MTF1: variants seen among roughly 807,000 people sequenced by gnomAD.
MTF1 encodes metal regulatory transcription factor 1, also known as MRE-binding transcription factor.
In MTF1, 22 loss-of-function variants were observed where a neutral mutation model predicts 70.4. That is an observed-to-expected ratio of 0.31 (90% CI 0.22 to 0.45). The LOEUF is 0.45. MTF1 is among the 20% of genes least tolerant of loss of function. The pLI, the probability that MTF1 is intolerant of heterozygous loss-of-function variation, is 1.00. For synonymous variants in MTF1, 333 were observed against 352.8 expected, an observed-to-expected ratio of 0.94 and a Z score of 0.63; for missense variants, 649 against 922.0, an observed-to-expected ratio of 0.70 and a Z score of 3.83.
At chr1:37,859,223 G>A (rs1458085366) in intron 1 of MTF1, among the ~76,000 whole-genome samples, 2 of 152,220 alleles carry the variant, frequency 1.3e-5, no homozygotes, top group South Asian at 2.1e-4. Flanking sequence ...CGAGGAGTGC[G>A]AACAGAGCCC....
intron 3 of MTF1, 85 bp downstream of exon 3, chr1:37,839,835 A>T (rs1161120593): frequency 4.0e-5 from 43 of 1,083,688 alleles, no homozygotes; most frequent in Non-Finnish European, 5.6e-5. Context: ...GAAAGTGAAA[A>T]CAACTCCTCT....
chr1:37,832,997 ACT>A (rs1395435714), intron 6 of MTF1, among the ~76,000 whole-genome samples: 7 of 150,800 alleles, frequency 4.6e-5, no homozygotes, highest in South Asian at 2.1e-4. Context: ...CAAGAGTGAG[ACT>A]CTGTCTCAAA....
chr1:37,853,598 T>C (rs1429215721), intron 2 of MTF1, among the ~76,000 whole-genome samples: 1 of 152,242 alleles, frequency 6.6e-6, no homozygotes, highest in Non-Finnish European at 1.5e-5. Flanking sequence ...GGCTATTCCC[T>C]GAAAATGGCC....
At chr1:37,837,592 G>A (rs968576765) in intron 4 of MTF1, among the ~76,000 whole-genome samples, 5 of 151,668 alleles carry the variant, frequency 3.3e-5, no homozygotes, top group Admixed American at 6.6e-5. Flanking sequence ...CACAACCTCC[G>A]CCTCTCTGGT....
chr1:37,831,892 C>T (rs550040409), intron 7 of MTF1, among the ~76,000 whole-genome samples: 1 of 152,186 alleles, frequency 6.6e-6, no homozygotes, highest in Non-Finnish European at 1.5e-5. Flanking sequence ...TTATGTCTTA[C>T]AGTACTAGAC....
chr1:37,858,758 T>C (rs1229368137), intron 1 of MTF1, among the ~76,000 whole-genome samples: 4 of 152,238 alleles, frequency 2.6e-5, no homozygotes, highest in African/African-American at 9.6e-5. Context: ...CGTGAAGATA[T>C]ACTATCTTGG....
intron 2 of MTF1, among the ~76,000 whole-genome samples, chr1:37,851,325 T>G (rs2148421661): frequency 6.6e-6 from 1 of 152,352 alleles, no homozygotes; most frequent in Non-Finnish European, 1.5e-5. Flanking sequence ...AACAAAGTGC[T>G]CATAATATCC....
chr1:37,850,794 G>C (rs891826164), intron 2 of MTF1, among the ~76,000 whole-genome samples: 7 of 152,076 alleles, frequency 4.6e-5, no homozygotes, highest in African/African-American at 1.7e-4. Flanking sequence ...CACACTATAT[G>C]AAACAATGAA....
chr1:37,823,750 A>G lies in MTF1; in HGVS notation c.1131T>C (p.Asn377=). Residue 377 remains asparagine, a synonymous_variant, in exon 8 of 11, where the codon AAT becomes AAC. Transcript: ENST00000373036. ...PAIIFESMFQ[N]SDDTAIQEDP... ...CTTCCTGAATTGCCGTATCATCTGA[A>G]TTCTGGAACATTGATTCAAAGATGA... 1 of 1,614,074 alleles carries G rather than the reference A, an allele frequency of 6.2e-7. No homozygotes were observed. Among genetic ancestry groups the G allele is most frequent in the Non-Finnish European group, 8.5e-7 (1 of 1,179,980 alleles).
At chr1:37,834,673 G>A in intron 6 of MTF1, 1 of 459,350 alleles carries the variant, frequency 2.2e-6, no homozygotes, top group South Asian at 1.5e-5. Flanking sequence ...GACAACAGTA[G>A]ACTGAATGAA....
At position 37,857,524 on chromosome 1, in the gene MTF1, A is replaced by G. The variant is rs146446251; in HGVS notation, c.135T>C (p.Asp45=). ...CCTGCTCAATAAGAACAGTGGTCCT[A>G]TCATAAACAGTTCCAGATGAGGAAG... ...LVPSSSGTVY[D]RTTVLIEQDP... The change falls in exon 2 of 11, where the codon GAT becomes GAC. Residue 45 remains aspartate (D), a synonymous_variant. Transcript: ENST00000373036. 62 of 1,614,200 alleles carry G rather than the reference A, an allele frequency of 3.8e-5. No homozygotes were observed. Among genetic ancestry groups the G allele is most frequent in the South Asian group, 1.5e-4 (14 of 91,084 alleles).
intron 10 of MTF1, 142 bp downstream of exon 10, chr1:37,817,277 G>A (rs1214582150): frequency 1.5e-6 from 1 of 688,920 alleles, no homozygotes; most frequent in Non-Finnish European, 2.6e-6. Flanking sequence ...AAATACTCTA[G>A]CCAACAATAC....
In MTF1 at chr1:37,838,771, AG is replaced by A. The variant is rs773006446; in HGVS notation, c.648-16del. ...GTGCTTTCAGCCTGCAAAATATTCC[AG>A]AAAAATTCCCTTTGTCATAAAATTC... On this transcript the variant is annotated splice_polypyrimidine_tract_variant and intron_variant, in intron 3 of 10. Coordinates refer to ENST00000373036, the MANE Select transcript of MTF1 (RefSeq NM_005955.3). The A allele has an allele frequency of 1.4e-6, 2 of 1,387,402 alleles. No homozygotes were observed. Among genetic ancestry groups the A allele is most frequent in the African/African-American group, 2.9e-5 (2 of 68,868 alleles). 85.9% of individuals were successfully genotyped at this position (1,387,402 alleles called of 1,614,324 possible).
At chr1:37,853,557 AG>A (rs139943808) in intron 2 of MTF1, among the ~76,000 whole-genome samples, 1,844 of 152,314 alleles carry the variant, frequency 0.012, 46 homozygotes, top group African/African-American at 0.041. Flanking sequence ...AGCAGAAAAA[AG>A]TGTGCTGACT....
intron 6 of MTF1, among the ~76,000 whole-genome samples, chr1:37,834,111 C>T (rs1209732517): frequency 2.0e-5 from 3 of 152,044 alleles, no homozygotes; most frequent in African/African-American, 7.3e-5. Flanking sequence ...CCTGTGGTCC[C>T]AGCTAGTTGG....
Position 37,814,857 on chromosome 1 carries a change from G to C in MTF1, c.*279C>G, listed in dbSNP as rs749637895. The stretch of plus-strand genomic sequence containing the variant: ...GCACACGAGTAACCTTAGTTTCCAA[G>C]TTCACATGACAACAAGCAAAAGTGA... On this transcript the variant is annotated 3_prime_UTR_variant, in exon 11 of 11. Transcript: ENST00000373036. The C allele has an allele frequency of 5.3e-6, 2 of 378,744 alleles. No homozygotes were observed. Among genetic ancestry groups the C allele is most frequent in the Non-Finnish European group, 9.6e-6 (2 of 208,680 alleles). 23.5% of individuals were successfully genotyped at this position (378,744 alleles called of 1,614,324 possible).
intron 7 of MTF1, among the ~76,000 whole-genome samples, chr1:37,827,529 G>C (rs1261399109): frequency 6.6e-6 from 1 of 151,680 alleles, no homozygotes; most frequent in East Asian, 1.9e-4. Flanking sequence ...GGCTAATTTT[G>C]TTTTTTGTAT....
At chr1:37,846,054 A>C (rs1478315649) in intron 2 of MTF1, among the ~76,000 whole-genome samples, 1 of 152,222 alleles carries the variant, frequency 6.6e-6, no homozygotes. Flanking sequence ...ATGGTTACAT[A>C]CAGGAGGTAT....
rs1641573415 is a variant in MTF1 at position 37,859,589 on chromosome 1, G to A, written c.-110C>T. On this transcript the variant is annotated 5_prime_UTR_variant, in exon 1 of 11. Transcript: ENST00000373036. ...CTTCTCCCCTCCCCAGCGGCACCAT[G>A]ATTGCCCCCACCTTCCCCTAACGTC... is the stretch of plus-strand genomic sequence containing the variant. The A allele has an allele frequency of 5.0e-6, 2 of 398,748 alleles. No homozygotes were observed. The allele number at this position is 398,748 out of a possible 1,614,324, so 24.7% of individuals were successfully genotyped here.
Sources: gnomAD v4.1 joint callset for allele counts (sites outside exome capture counted in the v4.1 genomes callset) on GRCh38, gnomAD v4.1.1 for gene constraint, MANE v1.5 for transcripts, NCBI Gene and HGNC (gene_info 2026-07-23, HGNC 2026-07-21) for gene names.